The following FNDC3B variants were observed in gnomAD, a reference collection of about 807,000 sequenced individuals.
The protein encoded by FNDC3B is fibronectin type III domain containing 3B, also known as fibronectin type III domain-containing protein 3B.
Under a neutral mutation model 151.5 loss-of-function variants are expected in FNDC3B, and 12 were observed. That is an observed-to-expected ratio of 0.08 (90% CI 0.05 to 0.13). The LOEUF (loss-of-function observed/expected upper bound fraction) is 0.13, where lower values mean the gene tolerates loss of function less well. Ranked by LOEUF, FNDC3B falls within the 10% of genes least tolerant of loss-of-function variation. FNDC3B has a pLI of 1.00. For synonymous variants in FNDC3B, 528 were observed against 549.0 expected (o/e 0.96, Z 0.54); for missense variants, 1,214 against 1,505.3 (o/e 0.81, Z 3.20).
At position 172,040,808 on chromosome 3, in the gene FNDC3B, A is replaced by G. The variant is rs966394265; in HGVS notation, c.-29+1037A>G. On this transcript the variant is annotated intron_variant, in intron 1 of 25. Coordinates refer to ENST00000415807, the MANE Select transcript of FNDC3B (RefSeq NM_022763.4). The surrounding 1 kb of genome is among the most constrained non-coding windows in gnomAD (Gnocchi z 6.6). ...GTGGGGCCTCGGGCTGTGCCCGCGAACTTTCCCAGAGGTCCGGGTCCCGGC... is the reference window on the plus strand; with the variant it reads ...GTGGGGCCTCGGGCTGTGCCCGCGAGCTTTCCCAGAGGTCCGGGTCCCGGC... Among the ~76,000 whole-genome samples the G allele has an allele frequency of 1.3e-5, 2 of 151,888 alleles. No homozygotes were observed. The highest frequency in any genetic ancestry group is 4.8e-5 in the African/African-American group (2 of 41,382).
At chr3:172,093,264 T>A (rs1718929421) in intron 1 of FNDC3B, among the ~76,000 whole-genome samples, 1 of 151,324 alleles carries the variant, frequency 6.6e-6, no homozygotes. Flanking sequence ...CAGCTAATTT[T>A]TTTTTTTTTT....
chr3:172,140,193 AGG>A (rs1260352461), intron 3 of FNDC3B, among the ~76,000 whole-genome samples: 1 of 152,212 alleles, frequency 6.6e-6, no homozygotes, highest in African/African-American at 2.4e-5. Flanking sequence ...CTGAATTTCT[AGG>A]AAAATCTGAA....
At chr3:172,376,478 C>T (rs1560106344) in intron 23 of FNDC3B, among the ~76,000 whole-genome samples, 1 of 152,196 alleles carries the variant, frequency 6.6e-6, no homozygotes, top group Non-Finnish European at 1.5e-5. Flanking sequence ...GTAACACTTT[C>T]ACTACTTAAA....
chr3:172,231,475 C>T (rs1389087204), intron 4 of FNDC3B, among the ~76,000 whole-genome samples: 21 of 152,034 alleles, frequency 1.4e-4, no homozygotes, highest in Admixed American at 1.4e-3. Flanking sequence ...AAAGAAGGGG[C>T]AAGGGGAAGA....
intron 11 of FNDC3B, among the ~76,000 whole-genome samples, chr3:172,322,149 A>C (rs1560077217): frequency 6.6e-6 from 1 of 152,212 alleles, no homozygotes; most frequent in African/African-American, 2.4e-5. Flanking sequence ...GGGGAGTGGC[A>C]TCTCTGTGCT....
intron 1 of FNDC3B, among the ~76,000 whole-genome samples, chr3:172,049,274 C>A (rs1716516397): frequency 6.6e-6 from 1 of 152,078 alleles, no homozygotes. Flanking sequence ...TTCCCTAGGC[C>A]ATTTTTTGGA....
At chr3:172,382,345 G>A (rs911789576) in intron 25 of FNDC3B, among the ~76,000 whole-genome samples, 2 of 151,958 alleles carry the variant, frequency 1.3e-5, no homozygotes, top group East Asian at 3.9e-4. Flanking sequence ...TTTGTGTAAG[G>A]TCCTTGTAGG....
At chr3:172,149,974 G>A (rs969968106) in intron 3 of FNDC3B, among the ~76,000 whole-genome samples, 4 of 151,594 alleles carry the variant, frequency 2.6e-5, no homozygotes, top group East Asian at 3.9e-4. Context: ...GCCCGTCACC[G>A]TGCCCAGCTA....
chr3:172,197,963 AT>A (rs751496116), intron 3 of FNDC3B, among the ~76,000 whole-genome samples: 5 of 152,348 alleles, frequency 3.3e-5, no homozygotes, highest in Non-Finnish European at 7.3e-5. Flanking sequence ...AGTGATATAA[AT>A]ATTCCTTTGC....
chr3:172,217,556 T>TCC (rs2108725870), intron 3 of FNDC3B, among the ~76,000 whole-genome samples: 1 of 52,942 alleles, frequency 1.9e-5, no homozygotes, highest in South Asian at 7.7e-4. Flanking sequence ...TTCAATTCCT[T>TCC]ACATCTTGCA....
intron 12 of FNDC3B, chr3:172,329,410 C>T (rs1235073217): frequency 4.5e-6 from 1 of 222,774 alleles, no homozygotes; most frequent in African/African-American, 2.3e-5. Flanking sequence ...CTTTAGCAAG[C>T]TCTTCATTCA....
At chr3:172,061,468 G>T (rs6778829) in intron 1 of FNDC3B, among the ~76,000 whole-genome samples, 1 of 151,780 alleles carries the variant, frequency 6.6e-6, no homozygotes, top group Non-Finnish European at 1.5e-5. Context: ...TCCTGACCTC[G>T]TGATCCTCCC....
At chr3:172,065,865 A>G (rs776243422) in intron 1 of FNDC3B, among the ~76,000 whole-genome samples, 5 of 152,008 alleles carry the variant, frequency 3.3e-5, no homozygotes, top group Non-Finnish European at 7.4e-5. Flanking sequence ...TTTTTCCCAG[A>G]GAGTGAGGGG....
At chr3:172,246,304 G>A (rs1315174343) in intron 4 of FNDC3B, among the ~76,000 whole-genome samples, 4 of 151,900 alleles carry the variant, frequency 2.6e-5, no homozygotes, top group Non-Finnish European at 1.5e-5. Flanking sequence ...GGTTTACTCC[G>A]TGTCCACTTC....
chr3:172,129,921 A>ATG (rs1720985477), intron 2 of FNDC3B, among the ~76,000 whole-genome samples: 1 of 144,560 alleles, frequency 6.9e-6, no homozygotes, highest in Non-Finnish European at 1.5e-5. Context: ...TTGGACAGCG[A>ATG]TGTTCTGTAT....
At chr3:172,216,650 A>C (rs7620568) in intron 3 of FNDC3B, among the ~76,000 whole-genome samples, 3 of 151,778 alleles carry the variant, frequency 2.0e-5, no homozygotes, top group Non-Finnish European at 4.4e-5. Flanking sequence ...TGCAGCCTGG[A>C]TGGCAGAGCG....
intron 1 of FNDC3B, among the ~76,000 whole-genome samples, chr3:172,065,442 T>A (rs983867580): frequency 4.6e-5 from 7 of 151,808 alleles, no homozygotes; most frequent in Non-Finnish European, 1.0e-4. Context: ...TTAGTGAAAC[T>A]TGAAGTCCTA....
In FNDC3B at chr3:172,243,912, C is replaced by T. The variant is rs769456213; in HGVS notation, c.265-3621C>T. The stretch of plus-strand genomic sequence containing the variant: ...CATGATAGGTGACAGTCTGAGAACC[C>T]GGCATAATGATCTTTTCCAAGGCTC... On this transcript the variant is annotated intron_variant, in intron 4 of 25. Transcript: ENST00000415807. Among the ~76,000 whole-genome samples the T allele has an allele frequency of 3.9e-5, 6 of 152,212 alleles. No individual in the cohort carries two copies. The East Asian group carries it at 7.7e-4, about 20-fold the overall frequency.
At chr3:172,097,558 C>G (rs1306978768) in intron 1 of FNDC3B, among the ~76,000 whole-genome samples, 1 of 152,108 alleles carries the variant, frequency 6.6e-6, no homozygotes, top group Non-Finnish European at 1.5e-5. Flanking sequence ...TATAGATGCT[C>G]ATTGTAGAAT....
Sources: allele counts gnomAD v4.1 joint callset (sites outside exome capture counted in the v4.1 genomes callset), GRCh38; gene constraint gnomAD v4.1.1; non-coding constraint Gnocchi (gnomAD v3.1); transcripts MANE v1.5; gene names NCBI Gene and HGNC (gene_info 2026-07-23, HGNC 2026-07-21).